The following MYH10 variants were observed in gnomAD, a reference collection of about 807,000 sequenced individuals.
MYH10 encodes myosin-10.
In MYH10, 55 loss-of-function variants were observed where a neutral mutation model predicts 257.8. The observed-to-expected ratio is 0.21, with a 90% CI of 0.17 to 0.27. MYH10 has a LOEUF of 0.27. Among genes scored for constraint, MYH10 ranks in the 10% least tolerant of loss-of-function variants. The probability of loss-of-function intolerance (pLI) is 1.00; values close to 1 mark genes in which losing one functional copy is unlikely to be tolerated. For missense variants in MYH10, 1,631 were observed against 2,500.6 expected (o/e 0.65, Z 7.42); for synonymous variants, 854 against 921.7 (o/e 0.93, Z 1.33).
intron 17 of MYH10, among the ~76,000 whole-genome samples, chr17:8,524,058 G>A (rs189939296): frequency 3.9e-5 from 6 of 152,142 alleles, no homozygotes; most frequent in Admixed American, 3.3e-4. Flanking sequence ...GGTAAATTTG[G>A]GAGTTGTCAA....
intron 21 of MYH10, 96 bp downstream of exon 21, chr17:8,518,535 A>G (rs2081549547): frequency 7.7e-7 from 1 of 1,305,366 alleles, no homozygotes; most frequent in Non-Finnish European, 1.1e-6. Flanking sequence ...AGGACAGACT[A>G]TGTCTCACAC....
At chr17:8,580,493 T>C (rs1183318630) in intron 4 of MYH10, among the ~76,000 whole-genome samples, 22 of 152,148 alleles carry the variant, frequency 1.4e-4, no homozygotes. Flanking sequence ...GCAAGGATCA[T>C]GTTTGCCTTA....
At chr17:8,537,735 A>T (rs2082179927) in intron 14 of MYH10, among the ~76,000 whole-genome samples, 1 of 152,236 alleles carries the variant, frequency 6.6e-6, no homozygotes. Flanking sequence ...TCTCAAATAA[A>T]AATTTGTATT....
rs547285722 is a variant in MYH10, at chr17:8,527,355, C to T, written c.1957+3268G>A. 2.6e-5 allele frequency among the ~76,000 whole-genome samples: 4 copies of T among 152,194 alleles called. No homozygotes were observed. In the East Asian group the frequency reaches 7.7e-4, roughly 29 times the overall value. ...TCTCAAGCCAAACTTGAATGTCTCC[C>T]TTATTTCCATCTACCTTCCTATCCC... On this transcript the variant is annotated intron_variant, in intron 17 of 42. Transcript: ENST00000360416.
At chr17:8,580,943 C>T (rs1019004017) in intron 4 of MYH10, among the ~76,000 whole-genome samples, 13 of 152,100 alleles carry the variant, frequency 8.5e-5, no homozygotes, top group African/African-American at 3.1e-4. Context: ...ACAGCCCCTC[C>T]TCTAGATATG....
At chr17:8,518,425 C>T (rs955275536) in intron 21 of MYH10, among the ~76,000 whole-genome samples, 4 of 152,102 alleles carry the variant, frequency 2.6e-5, no homozygotes, top group African/African-American at 2.4e-5. Flanking sequence ...TGAGCCACCA[C>T]GCCCAGCCTC....
intron 2 of MYH10, 34 bp from the exon 3 acceptor site, chr17:8,605,016 A>T: frequency 8.3e-7 from 1 of 1,210,772 alleles, no homozygotes; most frequent in Non-Finnish European, 1.1e-6. Flanking sequence ...ATTAAAAAAA[A>T]AACCTCTGCA....
chr17:8,519,085 AGAAAT>A, intron 19 of MYH10, 135 bp from the exon 20 acceptor site: 1 of 603,722 alleles, frequency 1.7e-6, no homozygotes, highest in Non-Finnish European at 2.8e-6. Flanking sequence ...TACATGTTCA[AGAAAT>A]GAACTGGTGA....
At chr17:8,492,238 G>A in intron 34 of MYH10, 59 bp downstream of exon 34, 1 of 1,534,964 alleles carries the variant, frequency 6.5e-7, no homozygotes, top group Non-Finnish European at 8.9e-7. Context: ...CCTGTGTGAA[G>A]GCCCAGGCCC....
rs2082423683 is a variant in MYH10, at chr17:8,545,742, A to G, written c.1279-142T>C. The G allele has an allele frequency of 2.6e-6, 2 of 767,966 alleles. No individual in the cohort carries two copies. The highest frequency in any genetic ancestry group is 1.8e-5 in the African/African-American group (1 of 56,798). 47.6% of individuals were successfully genotyped at this position (767,966 alleles called of 1,614,324 possible). A position where few individuals can be genotyped will look rare whatever the true frequency, so the allele number is the denominator to read the frequency against. On this transcript the variant is annotated intron_variant, in intron 12 of 42. Transcript: ENST00000360416. This position sits in a 1 kb window ranked among gnomAD's most constrained non-coding sequence, Gnocchi z 4.7. ...GCTTAATCATGTCTCAATTTTACAC[A>G]TCAATAGAAGGCAATATTAGAAGAA...
intron 21 of MYH10, among the ~76,000 whole-genome samples, chr17:8,515,650 C>T (rs995998995): frequency 1.4e-5 from 2 of 144,686 alleles, no homozygotes; most frequent in African/African-American, 5.1e-5. Flanking sequence ...TCAAGCGATT[C>T]TCATGCCTCA....
rs144086446 is a variant in MYH10, at chr17:8,603,133, T to G, written c.502+1693A>C. 6.9e-3 allele frequency among the ~76,000 whole-genome samples: 1,044 copies of G among 152,338 alleles called. 3 individuals carry two copies. Among genetic ancestry groups the G allele is most frequent in the Non-Finnish European group, 0.012 (793 of 68,022 alleles). On this transcript the variant is annotated intron_variant, in intron 3 of 42. Coordinates refer to ENST00000360416, the MANE Select transcript of MYH10 (RefSeq NM_001256012.3). ...TGTTAACTATTATGTTAGATTCAAC[T>G]CCTCATTCAACCTGTCAAGAGATTT...
At chr17:8,625,974 T>C (rs143656218) in intron 1 of MYH10, among the ~76,000 whole-genome samples, 5 of 152,286 alleles carry the variant, frequency 3.3e-5, no homozygotes, top group East Asian at 1.9e-4. Flanking sequence ...TTAAATAACA[T>C]GTTGATGTCT....
rs562043607 is a variant in MYH10 at position 8,625,348 on chromosome 17, A to G, written c.-31-2071T>C. Among the ~76,000 whole-genome samples, 7 of 152,324 alleles carry G rather than the reference A, an allele frequency of 4.6e-5. No homozygotes were observed. In the South Asian group the frequency reaches 1.0e-3, roughly 23 times the overall value. ...TGTTGCAATGTAATGCGTTACAAACACTCATCTTCTATAGTAGCGGCTGTC... is the reference window on the plus strand; with the variant it reads ...TGTTGCAATGTAATGCGTTACAAACGCTCATCTTCTATAGTAGCGGCTGTC... On this transcript the variant is annotated intron_variant, in intron 1 of 42. Coordinates refer to ENST00000360416, the MANE Select transcript of MYH10 (RefSeq NM_001256012.3).
chr17:8,531,947 CCTT>C (rs1194609290), intron 16 of MYH10, among the ~76,000 whole-genome samples: 2 of 152,206 alleles, frequency 1.3e-5, no homozygotes, highest in Non-Finnish European at 2.9e-5. Flanking sequence ...CCCTCTTTAA[CCTT>C]CTGTGCCTGC....
chr17:8,560,435 C>T (rs1377285938), intron 7 of MYH10: 3 of 377,278 alleles, frequency 8.0e-6, no homozygotes, highest in Non-Finnish European at 1.5e-5. Context: ...GCTTTGTAGT[C>T]ATCGCTGCCA....
At position 8,480,533 on chromosome 17, in the gene MYH10, G is replaced by T. The variant is rs773304522; in HGVS notation, c.5265-8C>A. The stretch of plus-strand genomic sequence containing the variant: ...TCATCCAGCAGCGCGGACCTGGCGG[G>T]GAGAGGAGGAGGGGACGGTTCAATC... On this transcript the variant is annotated splice_region_variant and splice_polypyrimidine_tract_variant and intron_variant, in intron 38 of 42. Transcript: ENST00000360416. The T allele has an allele frequency of 1.2e-6, 2 of 1,604,766 alleles. No individual in the cohort carries two copies. Among genetic ancestry groups the T allele is most frequent in the Non-Finnish European group, 1.7e-6 (2 of 1,179,736 alleles).
chr17:8,478,795 A>G (rs1349113419), intron 40 of MYH10, among the ~76,000 whole-genome samples: 1 of 152,198 alleles, frequency 6.6e-6, no homozygotes, highest in African/African-American at 2.4e-5. Context: ...CAGTGGCGCC[A>G]TCTCTGCTCG....
At chr17:8,584,610 C>T (rs756011649) in intron 4 of MYH10, among the ~76,000 whole-genome samples, 1 of 152,112 alleles carries the variant, frequency 6.6e-6, no homozygotes, top group Non-Finnish European at 1.5e-5. Flanking sequence ...TACTTGGCAT[C>T]AGTCTAGAGC....
Sources: allele counts gnomAD v4.1 joint callset (sites outside exome capture counted in the v4.1 genomes callset), GRCh38; gene constraint gnomAD v4.1.1; non-coding constraint Gnocchi (gnomAD v3.1); transcripts MANE v1.5; gene names NCBI Gene and HGNC (gene_info 2026-07-23, HGNC 2026-07-21).